Variants in TG observed in about 807,000 individuals in gnomAD.
The protein encoded by TG is thyroid hormones.
Under a neutral mutation model 324.7 loss-of-function variants are expected in TG, and 270 were observed. The ratio of observed to expected loss-of-function variants is 0.83; its 90% CI spans 0.75 to 0.92. The LOEUF is 0.92. TG is among the 40% of genes least tolerant of loss of function. The pLI is 0.00. For missense variants in TG, 3,591 were observed against 3,456.4 expected, an observed-to-expected ratio of 1.04 and a Z score of -0.98; for synonymous variants, 1,401 against 1,327.0, an observed-to-expected ratio of 1.06 and a Z score of -1.21.
In TG at chr8:132,882,545, C is replaced by T; in HGVS notation, c.822C>T (p.Thr274=). Residue 274 remains threonine (T), a synonymous_variant, in exon 7 of 48, where the codon ACC becomes ACT. Transcript: ENST00000220616. The part of the protein sequence containing the change: ...GLDLPSTFTE[T]TLYRILQRRF... ...ACCTTCCTTCCACCTTCACTGAAAC[C>T]ACCCTGTACCGGATACTGCAGAGAC... The T allele has an allele frequency of 7.4e-6, 12 of 1,614,194 alleles. No homozygotes were observed. Among genetic ancestry groups the T allele is most frequent in the African/African-American group, 1.3e-5 (1 of 75,048 alleles).
At chr8:133,034,876 G>A (rs76992467) in intron 41 of TG, among the ~76,000 whole-genome samples, 9,872 of 152,208 alleles carry the variant, frequency 0.065, 367 homozygotes, top group Middle Eastern at 0.11. Context: ...CTGGTAAGGG[G>A]CACACTCCCT....
chr8:132,974,787 G>A (rs1271438013), intron 34 of TG, among the ~76,000 whole-genome samples: 1 of 152,194 alleles, frequency 6.6e-6, no homozygotes, highest in African/African-American at 2.4e-5. Flanking sequence ...CAACATGAAA[G>A]ATCCAGATGC....
intron 45 of TG, among the ~76,000 whole-genome samples, chr8:133,124,874 T>G (rs960876180): frequency 1.3e-5 from 2 of 152,222 alleles, no homozygotes; most frequent in African/African-American, 4.8e-5. Flanking sequence ...CATTCCAGAT[T>G]CAAAATATTA....
Position 133,113,545 on chromosome 8 carries a change from C to A in TG, c.7696C>A (p.Leu2566Met), listed in dbSNP as rs1449237680. 6.2e-7 allele frequency: 1 copy of A among 1,614,174 alleles called. No individual in the cohort carries two copies. The highest frequency in any genetic ancestry group is 2.2e-5 in the East Asian group (1 of 44,880). The part of the protein sequence containing the change: ...VEAAATWYYS[L>M]EHSTDDYASF... Reference sequence around the variant, plus strand: ...GGCTGCTGCTACATGGTATTACTCTCTGGAGCACTCCACGGATGACTATGC... The same window carrying A: ...GGCTGCTGCTACATGGTATTACTCTATGGAGCACTCCACGGATGACTATGC... Residue 2566 changes from leucine (L) to methionine (M), a missense_variant, in exon 44 of 48, where the codon CTG (leucine) becomes ATG (methionine). Physicochemically the swap from Leu to Met is conservative, Grantham distance 15. Coordinates refer to ENST00000220616, the MANE Select transcript of TG (RefSeq NM_003235.5).
At chr8:132,895,292 T>A (rs1816933268) in intron 11 of TG, among the ~76,000 whole-genome samples, 1 of 152,198 alleles carries the variant, frequency 6.6e-6, no homozygotes, top group African/African-American at 2.4e-5. Flanking sequence ...CAACATCTGC[T>A]CCAAGTCAAA....
chr8:133,004,551 C>T (rs944867803), intron 35 of TG, among the ~76,000 whole-genome samples: 2 of 152,136 alleles, frequency 1.3e-5, no homozygotes, highest in African/African-American at 4.8e-5. Context: ...CTCAGTGTCC[C>T]CATCTGTTAT....
At chr8:132,950,863 C>T (rs1358043550) in intron 27 of TG, among the ~76,000 whole-genome samples, 1 of 152,156 alleles carries the variant, frequency 6.6e-6, no homozygotes, top group Admixed American at 6.5e-5. Context: ...CTGAGGCAGC[C>T]CTGCTCTGAG....
At chr8:133,097,075 G>A (rs1183110267) in intron 43 of TG, among the ~76,000 whole-genome samples, 1 of 152,216 alleles carries the variant, frequency 6.6e-6, no homozygotes, top group Non-Finnish European at 1.5e-5. Flanking sequence ...AAGCCTACAG[G>A]GAAGCCCAGT....
intron 43 of TG, 31 bp from the exon 44 acceptor site, chr8:133,113,391 T>C: frequency 6.2e-7 from 1 of 1,612,982 alleles, no homozygotes; most frequent in East Asian, 2.2e-5. Flanking sequence ...AGAATCCAAC[T>C]GAGGAATTTC....
At chr8:132,883,835 A>G (rs994276778) in intron 8 of TG, among the ~76,000 whole-genome samples, 1 of 152,326 alleles carries the variant, frequency 6.6e-6, no homozygotes, top group African/African-American at 2.4e-5. Context: ...ATGGTAATAA[A>G]TCACCACAAA....
intron 44 of TG, among the ~76,000 whole-genome samples, chr8:133,115,406 T>A (rs1850596568): frequency 6.6e-6 from 1 of 152,108 alleles, no homozygotes; most frequent in Non-Finnish European, 1.5e-5. Context: ...TCACAATGCC[T>A]CAGGGTGCAT....
At position 132,882,452 on chromosome 8, in the gene TG, T is replaced by C; in HGVS notation, c.746-17T>C. ...CTGAATGAGACCATCTCTGAAAGTC[T>C]TGCTGTCTTTGCTCAGGTTTGGAGT... On this transcript the variant is annotated splice_polypyrimidine_tract_variant and intron_variant, in intron 6 of 47. Transcript: ENST00000220616. 6.2e-7 allele frequency: 1 copy of C among 1,614,228 alleles called. No homozygotes were observed. The highest frequency in any genetic ancestry group is 8.5e-7 in the Non-Finnish European group (1 of 1,180,030).
intron 10 of TG, among the ~76,000 whole-genome samples, chr8:132,893,125 GGTGT>G (rs1344029585): frequency 1.4e-5 from 2 of 140,248 alleles, no homozygotes; most frequent in Non-Finnish European, 3.1e-5. Context: ...ATGTGTGGAG[GGTGT>G]GTGTGTGGTG....
Position 132,929,143 on chromosome 8 carries a change from C to T in TG, c.4767C>T (p.Val1589=). The T allele has an allele frequency of 6.2e-7, 1 of 1,614,140 alleles. No individual in the cohort carries two copies. Among genetic ancestry groups the T allele is most frequent in the Non-Finnish European group, 8.5e-7 (1 of 1,180,018 alleles). Residue 1589 remains valine (V), a synonymous_variant, in exon 23 of 48, where the codon GTC becomes GTT. Transcript: ENST00000220616. ...TCGACGCCAATGCTCCTGTGGCTGTCAGATCCAAAGTTCCTGATTCTGAGT... is the reference window on the plus strand; with the variant it reads ...TCGACGCCAATGCTCCTGTGGCTGTTAGATCCAAAGTTCCTGATTCTGAGT... ...VIFDANAPVA[V]RSKVPDSEFP...
At chr8:133,040,714 C>A (rs181516608) in intron 41 of TG, among the ~76,000 whole-genome samples, 1 of 149,952 alleles carries the variant, frequency 6.7e-6, no homozygotes, top group African/African-American at 2.5e-5. Context: ...TGAAAGAGGG[C>A]GAGGAGGAAA....
chr8:133,028,175 A>G (rs759958722), intron 40 of TG, among the ~76,000 whole-genome samples: 33 of 152,214 alleles, frequency 2.2e-4, no homozygotes, highest in Non-Finnish European at 4.3e-4. Flanking sequence ...CCTGGTATAC[A>G]GGCTGTGGAC....
intron 41 of TG, chr8:133,073,041 C>A (rs1011575556): frequency 2.6e-5 from 4 of 152,144 alleles, no homozygotes; most frequent in Non-Finnish European, 5.9e-5. Flanking sequence ...CTATTTAGTA[C>A]CTATTATCTC....
intron 42 of TG, 101 bp downstream of exon 42, chr8:133,095,309 C>A: frequency 6.5e-7 from 1 of 1,526,816 alleles, no homozygotes; most frequent in Non-Finnish European, 9.1e-7. Context: ...AGCCATACCA[C>A]ACATGAGGCT....
chr8:133,009,462 G>A (rs565769999), intron 35 of TG, among the ~76,000 whole-genome samples: 7 of 152,138 alleles, frequency 4.6e-5, no homozygotes, highest in East Asian at 1.9e-4. Flanking sequence ...TCCTCTTGCC[G>A]GGCCTGGGTG....
Sources: allele counts gnomAD v4.1 joint callset (sites outside exome capture counted in the v4.1 genomes callset), GRCh38; gene constraint gnomAD v4.1.1; transcripts MANE v1.5; gene names NCBI Gene and HGNC (gene_info 2026-07-23, HGNC 2026-07-21).